The following ALK variants were observed in gnomAD, a reference collection of about 807,000 sequenced individuals.
ALK encodes ALK receptor tyrosine kinase.
ALK carries 74 observed loss-of-function variants against 163.1 expected under a neutral mutation model. The observed-to-expected ratio is 0.45, with a 90% CI of 0.38 to 0.55. The LOEUF (loss-of-function observed/expected upper bound fraction) is 0.55. Ranked by LOEUF, ALK falls within the 20% of genes least tolerant of loss-of-function variation. The pLI, the probability that ALK is intolerant of heterozygous loss-of-function variation, is 0.00. For synonymous variants in ALK, 960 were observed against 843.2 expected (o/e 1.14, Z -2.40); for missense variants, 2,063 against 2,105.3 (o/e 0.98, Z 0.39).
intron 3 of ALK, among the ~76,000 whole-genome samples, chr2:29,532,914 C>A (rs927249453): frequency 3.3e-5 from 5 of 152,230 alleles, no homozygotes; most frequent in African/African-American, 9.6e-5. Context: ...TGGGAAGCAG[C>A]TAATGAGTAC....
chr2:29,225,162 C>T lies in ALK; in HGVS notation c.3172+299G>A, dbSNP rs13400666. Among the ~76,000 whole-genome samples the T allele has an allele frequency of 3.0e-3, 455 of 152,146 alleles. 3 individuals carry two copies. Among genetic ancestry groups the T allele is most frequent in the African/African-American group, 0.01 (433 of 41,510 alleles). Reference sequence around the variant, plus strand: ...TAGAAGTGACGTCTAGGGGTGGGGGCGAGCTTTCACCATCGTGATGGACAC... The same window carrying T: ...TAGAAGTGACGTCTAGGGGTGGGGGTGAGCTTTCACCATCGTGATGGACAC... On this transcript the variant is annotated intron_variant, in intron 19 of 28. Coordinates refer to ENST00000389048, the MANE Select transcript of ALK (RefSeq NM_004304.5).
At chr2:29,802,647 T>C (rs1310100485) in intron 1 of ALK, among the ~76,000 whole-genome samples, 1 of 150,646 alleles carries the variant, frequency 6.6e-6, no homozygotes, top group East Asian at 2.0e-4. Context: ...AGGGTATGAT[T>C]ATCAAGTTGG....
At chr2:29,614,470 C>T (rs568387018) in intron 3 of ALK, among the ~76,000 whole-genome samples, 78 of 152,336 alleles carry the variant, frequency 5.1e-4, no homozygotes, top group African/African-American at 1.7e-3. Flanking sequence ...GAGCCTAGCT[C>T]CTTGCTCTAA....
At chr2:29,858,830 G>C (rs1250031306) in intron 1 of ALK, among the ~76,000 whole-genome samples, 1 of 152,072 alleles carries the variant, frequency 6.6e-6, no homozygotes, top group Non-Finnish European at 1.5e-5. Flanking sequence ...CCTGAGGTCA[G>C]GAATTCGAGA....
rs114552000 is a variant in ALK, at chr2:29,704,641, A to G, written c.788-9627T>C. On this transcript the variant is annotated intron_variant, in intron 2 of 28. Coordinates refer to ENST00000389048, the MANE Select transcript of ALK (RefSeq NM_004304.5). ...GATCAGATGGCTCAACTCACCTCCAATAAAGCTTTTTGGGTTGTCTCCTCC... is the reference window on the plus strand; with the variant it reads ...GATCAGATGGCTCAACTCACCTCCAGTAAAGCTTTTTGGGTTGTCTCCTCC... Among the ~76,000 whole-genome samples, 694 of 152,272 alleles carry G rather than the reference A, an allele frequency of 4.6e-3. 7 individuals carry two copies. The highest frequency in any genetic ancestry group is 0.015 in the African/African-American group (632 of 41,538).
chr2:29,250,569 T>G (rs1413138977), intron 12 of ALK, among the ~76,000 whole-genome samples: 1 of 152,090 alleles, frequency 6.6e-6, no homozygotes, highest in Non-Finnish European at 1.5e-5. Flanking sequence ...GGCCTCAAAG[T>G]GGCCAAGTGG....
intron 9 of ALK, among the ~76,000 whole-genome samples, chr2:29,289,868 G>T (rs1462655865): frequency 6.6e-6 from 1 of 152,108 alleles, no homozygotes; most frequent in Admixed American, 6.5e-5. Flanking sequence ...GTGCCTGTTG[G>T]GAAGCAAGGA....
In ALK at chr2:29,606,454, G is replaced by A. The variant is rs148732918; in HGVS notation, c.953-74338C>T. 3.0e-3 allele frequency among the ~76,000 whole-genome samples: 451 copies of A among 152,338 alleles called. 1 individual carries two copies. Among genetic ancestry groups the A allele is most frequent in the African/African-American group, 0.01 (425 of 41,582 alleles). ...GTGCTAAATTGCAAAGAATTTAAGC[G>A]TATTTGAGAGTGCTCCTAAGTGAAA... On this transcript the variant is annotated intron_variant, in intron 3 of 28. Coordinates refer to ENST00000389048, the MANE Select transcript of ALK (RefSeq NM_004304.5).
intron 3 of ALK, among the ~76,000 whole-genome samples, chr2:29,618,459 A>C (rs1026782459): frequency 2.0e-5 from 3 of 150,398 alleles, no homozygotes; most frequent in Non-Finnish European, 4.4e-5. Flanking sequence ...GAGTGCTGTC[A>C]TCTTCTTTCA....
chr2:29,918,506 C>A (rs1667894271), intron 1 of ALK, among the ~76,000 whole-genome samples: 2 of 152,354 alleles, frequency 1.3e-5, no homozygotes, highest in South Asian at 4.1e-4. Flanking sequence ...TCAAACTCAT[C>A]AGTGCCTCTT....
intron 8 of ALK, among the ~76,000 whole-genome samples, chr2:29,304,904 G>T (rs1431594742): frequency 1.3e-5 from 2 of 152,234 alleles, no homozygotes; most frequent in East Asian, 3.8e-4. Flanking sequence ...GAAACCAGTG[G>T]TTTTCAACCT....
chr2:29,775,614 CTTAG>C (rs1195026086), intron 1 of ALK, among the ~76,000 whole-genome samples: 8 of 152,032 alleles, frequency 5.3e-5, no homozygotes, highest in African/African-American at 1.7e-4. Flanking sequence ...TAGGGCAGTG[CTTAG>C]TTAATCACTT....
At chr2:29,902,945 T>A (rs1667454078) in intron 1 of ALK, among the ~76,000 whole-genome samples, 1 of 152,200 alleles carries the variant, frequency 6.6e-6, no homozygotes, top group Admixed American at 6.5e-5. Context: ...ATGCATATAA[T>A]CTTATCTGAT....
intron 2 of ALK, among the ~76,000 whole-genome samples, chr2:29,695,696 T>G (rs1411826990): frequency 6.6e-6 from 1 of 151,898 alleles, no homozygotes; most frequent in Non-Finnish European, 1.5e-5. Context: ...CATCAAAAAG[T>G]GGGCAAAGGA....
intron 4 of ALK, among the ~76,000 whole-genome samples, chr2:29,452,375 T>G (rs972220563): frequency 9.9e-5 from 15 of 151,356 alleles, no homozygotes; most frequent in Non-Finnish European, 1.9e-4. Context: ...TCAGCTTAAA[T>G]GTCCCGTCTT....
chr2:29,840,328 A>G (rs1386378313), intron 1 of ALK, among the ~76,000 whole-genome samples: 3 of 152,220 alleles, frequency 2.0e-5, no homozygotes, highest in African/African-American at 7.2e-5. Context: ...AAAGAGATAG[A>G]TAATCCCACT....
Position 29,771,636 on chromosome 2 carries a change from A to T in ALK, c.668-53939T>A, listed in dbSNP as rs953056323. 2.0e-5 allele frequency among the ~76,000 whole-genome samples: 3 copies of T among 151,972 alleles called. No homozygotes were observed. In the East Asian group the frequency reaches 5.8e-4, roughly 29 times the overall value. On this transcript the variant is annotated intron_variant, in intron 1 of 28. Transcript: ENST00000389048. ...TGTAAGCTCCACCTCCCGGGTTCAT[A>T]CCATTCTCCTGCCTCAGCCTCCCGA...
intron 4 of ALK, among the ~76,000 whole-genome samples, chr2:29,402,944 G>C (rs1432798846): frequency 6.6e-6 from 1 of 151,936 alleles, no homozygotes; most frequent in Non-Finnish European, 1.5e-5. Flanking sequence ...AGATCTCCTA[G>C]ATTCTGTAGG....
intron 3 of ALK, among the ~76,000 whole-genome samples, chr2:29,641,027 T>C (rs917994983): frequency 4.0e-5 from 6 of 151,876 alleles, no homozygotes; most frequent in African/African-American, 1.5e-4. Context: ...GAAAACAGTA[T>C]AGTGCTTGGC....
Sources: allele counts gnomAD v4.1 joint callset (sites outside exome capture counted in the v4.1 genomes callset), GRCh38; gene constraint gnomAD v4.1.1; transcripts MANE v1.5; gene names NCBI Gene and HGNC (gene_info 2026-07-23, HGNC 2026-07-21).